NBEA: variants seen among roughly 807,000 people sequenced by gnomAD.
NBEA encodes neurobeachin.
In NBEA, 44 loss-of-function variants were observed where a neutral mutation model predicts 343.4. The ratio of observed to expected loss-of-function variants is 0.13; its 90% CI spans 0.10 to 0.16. The LOEUF is 0.16. NBEA is among the 10% of genes least tolerant of loss of function. The pLI is 1.00. For missense variants in NBEA, 2,555 were observed against 3,631.3 expected, an observed-to-expected ratio of 0.70 and a Z score of 7.62; for synonymous variants, 1,175 against 1,238.7, an observed-to-expected ratio of 0.95 and a Z score of 1.08.
At chr13:35,298,209 GTGTA>G (rs1436238299) in intron 35 of NBEA, among the ~76,000 whole-genome samples, 799 of 60,636 alleles carry the variant, frequency 0.013, 1 homozygote, top group Non-Finnish European at 0.02. Context: ...GTGTGTGTGT[GTGTA>G]TATATATATA....
chr13:35,646,435 T>A, intron 51 of NBEA, 87 bp downstream of exon 51: 1 of 947,542 alleles, frequency 1.1e-6, no homozygotes, highest in South Asian at 1.4e-5. Flanking sequence ...TAACAGCATA[T>A]TTTAAAAGGC....
intron 32 of NBEA, among the ~76,000 whole-genome samples, chr13:35,209,675 T>C (rs1030645643): frequency 9.2e-5 from 14 of 152,080 alleles, no homozygotes; most frequent in Admixed American, 7.9e-4. Context: ...CCTTGAACTT[T>C]TCCATTTATT....
intron 40 of NBEA, among the ~76,000 whole-genome samples, chr13:35,464,363 C>A (rs2047062120): frequency 6.6e-6 from 1 of 152,150 alleles, no homozygotes; most frequent in South Asian, 2.1e-4. Flanking sequence ...GTGTTTTTGT[C>A]CAAACTATTC....
intron 38 of NBEA, among the ~76,000 whole-genome samples, chr13:35,405,983 A>G (rs1442724188): frequency 6.6e-6 from 1 of 152,128 alleles, no homozygotes. Context: ...AAAAGAGTGT[A>G]TAAGAGCTCT....
intron 1 of NBEA, among the ~76,000 whole-genome samples, chr13:35,038,348 G>T (rs577681455): frequency 6.6e-6 from 1 of 152,236 alleles, no homozygotes; most frequent in Admixed American, 6.5e-5. Context: ...GAGCCCACTT[G>T]GTGCTCTACC....
At chr13:35,365,457 A>G (rs891134698) in intron 38 of NBEA, among the ~76,000 whole-genome samples, 5 of 151,722 alleles carry the variant, frequency 3.3e-5, no homozygotes, top group African/African-American at 1.2e-4. Context: ...AAGTGAGGCT[A>G]TCACAGTCTC....
intron 36 of NBEA, among the ~76,000 whole-genome samples, chr13:35,317,192 A>G (rs559338598): frequency 9.2e-5 from 14 of 152,278 alleles, no homozygotes; most frequent in Non-Finnish European, 1.3e-4. Flanking sequence ...GCCCATGCCT[A>G]TGTCCTGAAA....
At chr13:35,274,055 A>C (rs541423311) in intron 34 of NBEA, among the ~76,000 whole-genome samples, 3 of 152,208 alleles carry the variant, frequency 2.0e-5, no homozygotes, top group African/African-American at 7.2e-5. Flanking sequence ...TGGCAGAGAC[A>C]CAACAAAAAA....
intron 41 of NBEA, among the ~76,000 whole-genome samples, chr13:35,505,185 A>T (rs1325227694): frequency 6.6e-6 from 1 of 152,168 alleles, no homozygotes; most frequent in Non-Finnish European, 1.5e-5. Context: ...AATCATGCTT[A>T]CTATGTTCAT....
Position 35,161,837 on chromosome 13 carries a change from C to T in NBEA, c.3949C>T (p.Arg1317Ter). 2 of 1,611,606 alleles carry T rather than the reference C, an allele frequency of 1.2e-6. No individual in the cohort carries two copies. Among genetic ancestry groups the T allele is most frequent in the Non-Finnish European group, 1.7e-6 (2 of 1,178,902 alleles). ...AGGAATGCCAATGACTGAGGAACAG[C>T]GACGCCAGTTTAGCCCAGGTCCACG... ...FRGMPMTEEQ[R>*]RQFSPGPRTT... The change falls in exon 23 of 59, where the codon CGA (arginine) becomes TGA (stop). Residue 1317 changes from arginine to a stop codon, truncating the protein, a stop_gained. Transcript: ENST00000379939. LOFTEE classifies it high-confidence loss of function.
At chr13:35,658,465 G>T (rs1052707981) in intron 55 of NBEA, among the ~76,000 whole-genome samples, 2 of 152,176 alleles carry the variant, frequency 1.3e-5, no homozygotes, top group African/African-American at 4.8e-5. Context: ...TGTGTTGGGT[G>T]CCTACTGTGT....
intron 49 of NBEA, among the ~76,000 whole-genome samples, chr13:35,640,816 T>C (rs756252814): frequency 6.6e-6 from 1 of 152,130 alleles, no homozygotes; most frequent in Non-Finnish European, 1.5e-5. Flanking sequence ...CTTATTTTGT[T>C]CATTTGTGCA....
rs534060475 is a variant in NBEA at position 35,058,571 on chromosome 13, A to G, written c.1093-146A>G. 1.1e-3 allele frequency: 766 copies of G among 680,006 alleles called. 5 individuals carry two copies. The highest frequency in any genetic ancestry group is 2.4e-4 in the Non-Finnish European group (101 of 414,898). 42.1% of individuals were successfully genotyped at this position (680,006 alleles called of 1,614,324 possible). On this transcript the variant is annotated intron_variant, in intron 7 of 58. Coordinates refer to ENST00000379939, the MANE Select transcript of NBEA (RefSeq NM_001385012.1). ...CCAAAAAACTTGACTGGCATTTATT[A>G]TTAAAATAATAAAGTCTTAATTGAT...
chr13:35,473,350 A>T (rs2075736463), intron 41 of NBEA, among the ~76,000 whole-genome samples: 1 of 152,182 alleles, frequency 6.6e-6, no homozygotes, highest in Non-Finnish European at 1.5e-5. Flanking sequence ...TTTTGCAAAG[A>T]TCTTCCTTTA....
intron 34 of NBEA, among the ~76,000 whole-genome samples, chr13:35,256,826 G>A (rs752634805): frequency 5.3e-5 from 8 of 152,226 alleles, no homozygotes; most frequent in South Asian, 2.1e-4. Context: ...CCCAGGCAGC[G>A]GGAGCAAACA....
intron 36 of NBEA, among the ~76,000 whole-genome samples, chr13:35,319,466 T>TA (rs2037983249): frequency 6.6e-6 from 1 of 152,242 alleles, no homozygotes; most frequent in Non-Finnish European, 1.5e-5. Context: ...GAGAGACTGT[T>TA]ATGATATCCA....
At chr13:35,014,498 T>C (rs1173664635) in intron 1 of NBEA, among the ~76,000 whole-genome samples, 1 of 152,194 alleles carries the variant, frequency 6.6e-6, no homozygotes, top group Non-Finnish European at 1.5e-5. Flanking sequence ...TGATGAATAT[T>C]ATTTTTTAAA....
intron 38 of NBEA, among the ~76,000 whole-genome samples, chr13:35,384,575 G>C (rs530062622): frequency 2.4e-4 from 35 of 148,798 alleles, no homozygotes; most frequent in African/African-American, 8.5e-4. Flanking sequence ...ATCCAGGCTG[G>C]AGTGCAGTGG....
chr13:35,179,128 A>G (rs1256657829), intron 28 of NBEA, among the ~76,000 whole-genome samples: 1 of 151,648 alleles, frequency 6.6e-6, no homozygotes, highest in Non-Finnish European at 1.5e-5. Flanking sequence ...TCTGTGAAAT[A>G]TGGTGATGAA....
Sources: gnomAD v4.1 joint callset for allele counts (sites outside exome capture counted in the v4.1 genomes callset) on GRCh38, gnomAD v4.1.1 for gene constraint, MANE v1.5 for transcripts, NCBI Gene and HGNC (gene_info 2026-07-23, HGNC 2026-07-21) for gene names.